The following GPR89B variants were observed in gnomAD, a reference collection of about 807,000 sequenced individuals.
GPR89B encodes the protein G protein-coupled receptor 89B.
In GPR89B, 25 loss-of-function variants were observed where a neutral mutation model predicts 52.4. That is an observed-to-expected ratio of 0.48 (90% CI 0.35 to 0.67). The LOEUF is 0.67. GPR89B is among the 30% of genes least tolerant of loss of function. The pLI, the probability that GPR89B is intolerant of heterozygous loss-of-function variation, is 0.01. For synonymous variants in GPR89B, 52 were observed against 151.2 expected (o/e 0.34, Z 4.81); for missense variants, 146 against 450.2 (o/e 0.32, Z 6.11).
chr1:147,962,830 G>A (rs1199351466), intron 7 of GPR89B, among the ~76,000 whole-genome samples: 1 of 151,018 alleles, frequency 6.6e-6, no homozygotes, highest in Non-Finnish European at 1.5e-5. Flanking sequence ...CCAGGAGGTG[G>A]AGGTTGCAGT....
intron 7 of GPR89B, among the ~76,000 whole-genome samples, chr1:147,956,978 A>G (rs1341422580): frequency 6.6e-6 from 1 of 151,856 alleles, no homozygotes; most frequent in Non-Finnish European, 1.5e-5. Flanking sequence ...ACCTCAAGTG[A>G]TCTGCCCACC....
rs587756372 is a variant in GPR89B, at chr1:147,951,057, G to A, written c.416-2288G>A. ...GCCAATGAAACAAGGATTGGAAAATGTTGAATTTTGCAACCAGGGGAAAAC... is the reference window on the plus strand; with the variant it reads ...GCCAATGAAACAAGGATTGGAAAATATTGAATTTTGCAACCAGGGGAAAAC... On this transcript the variant is annotated intron_variant, in intron 5 of 13. Transcript: ENST00000314163. Among the ~76,000 whole-genome samples, 3 of 152,118 alleles carry A rather than the reference G, an allele frequency of 2.0e-5. No homozygotes were observed. The East Asian group carries it at 5.8e-4, about 29-fold the overall frequency.
intron 10 of GPR89B, among the ~76,000 whole-genome samples, chr1:147,971,663 G>T (rs1360417089): frequency 6.6e-6 from 1 of 150,538 alleles, no homozygotes; most frequent in African/African-American, 2.5e-5. Context: ...TGTATTTTTA[G>T]TAGAGACAGG....
chr1:147,932,598 G>A (rs1357753471), intron 1 of GPR89B, among the ~76,000 whole-genome samples: 2 of 152,062 alleles, frequency 1.3e-5, no homozygotes, highest in Admixed American at 6.6e-5. Flanking sequence ...ACTCTTAGCA[G>A]ATAACCATGC....
At chr1:147,962,622 C>T (rs1382686649) in intron 7 of GPR89B, among the ~76,000 whole-genome samples, 4 of 151,818 alleles carry the variant, frequency 2.6e-5, no homozygotes, top group Admixed American at 1.3e-4. Context: ...ACACGCCAGG[C>T]GCGGTGGCTC....
intron 3 of GPR89B, among the ~76,000 whole-genome samples, chr1:147,940,534 C>CT (rs1654474165): frequency 6.6e-6 from 1 of 152,122 alleles, no homozygotes; most frequent in Non-Finnish European, 1.5e-5. Context: ...CAACCTGCAT[C>CT]TTTCACTGCT....
chr1:148,004,048 G>A, the GPR89B span: 1,260 of 420,852 alleles, frequency 3.0e-3, 3 homozygotes, highest in Non-Finnish European at 4.5e-3. Flanking sequence ...GAATAAGAAA[G>A]TTTCTGTATA....
At chr1:148,020,880 G>A in the GPR89B span, among the ~76,000 whole-genome samples, 1 of 151,504 alleles carries the variant, frequency 6.6e-6, no homozygotes, top group East Asian at 2.0e-4. Context: ...TAGAGACGGG[G>A]TTTCACCATG....
chr1:148,020,701 G>T, the GPR89B span, among the ~76,000 whole-genome samples: 109 of 152,032 alleles, frequency 7.2e-4, 2 homozygotes, highest in African/African-American at 2.5e-3. Flanking sequence ...TTGTTTGTTC[G>T]TTTGAGACAG....
the GPR89B span, among the ~76,000 whole-genome samples, chr1:148,021,268 T>C: frequency 6.6e-6 from 1 of 151,206 alleles, no homozygotes; most frequent in Admixed American, 6.6e-5. Context: ...TTTGGGAGGC[T>C]GAGGCGGGCG....
intron 7 of GPR89B, among the ~76,000 whole-genome samples, chr1:147,965,548 C>A (rs1656966592): frequency 6.6e-6 from 1 of 152,044 alleles, no homozygotes; most frequent in Admixed American, 6.6e-5. Context: ...CCTGTTGATA[C>A]CTTTGTGGTG....
chr1:147,987,381 A>G (rs1470952387), intron 11 of GPR89B, among the ~76,000 whole-genome samples: 1 of 150,320 alleles, frequency 6.7e-6, no homozygotes, highest in Non-Finnish European at 1.5e-5. Context: ...TTAGCTGGAC[A>G]TGGTGGCATG....
intron 11 of GPR89B, among the ~76,000 whole-genome samples, chr1:147,987,793 A>G (rs1435344239): frequency 9.3e-5 from 14 of 151,246 alleles, no homozygotes; most frequent in Non-Finnish European, 4.4e-5. Flanking sequence ...CTCACTATGA[A>G]GCAATACAGG....
chr1:147,952,725 T>C (rs1478921002), intron 5 of GPR89B, among the ~76,000 whole-genome samples: 1 of 151,934 alleles, frequency 6.6e-6, no homozygotes, highest in East Asian at 1.9e-4. Context: ...TTATTTTAAC[T>C]GCTAAGTTGA....
rs587733549 is a variant in GPR89B, at chr1:147,952,455, G to C, written c.416-890G>C. On this transcript the variant is annotated intron_variant, in intron 5 of 13. Transcript: ENST00000314163. ...TGCACTGACCTCTAAAACGAGTGTA[G>C]TGGAAATAGAAAGACTAGGAATGGA... Among the ~76,000 whole-genome samples, 611 of 151,902 alleles carry C rather than the reference G, an allele frequency of 4.0e-3. 7 individuals are homozygous for C. Among genetic ancestry groups the C allele is most frequent in the African/African-American group, 0.014 (574 of 41,280 alleles).
At chr1:148,000,556 C>CT in the GPR89B span, among the ~76,000 whole-genome samples, 558 of 151,326 alleles carry the variant, frequency 3.7e-3, 6 homozygotes, top group African/African-American at 0.013. Flanking sequence ...CTTAGTCTCT[C>CT]TAAGCTTCGG....
chr1:147,970,491 A>ATTCTCTC (rs1219320826), intron 10 of GPR89B, among the ~76,000 whole-genome samples: 2 of 105,740 alleles, frequency 1.9e-5, no homozygotes, highest in African/African-American at 6.9e-5. Flanking sequence ...GTGAGACTCC[A>ATTCTCTC]TCTCTCTCTC....
At chr1:147,996,007 T>C (rs2149100055), downstream of GPR89B, 1 of 692,398 alleles carries the variant, frequency 1.4e-6, no homozygotes, top group East Asian at 2.5e-5. Context: ...TTATTTCTCC[T>C]TGAGGTATAG....
At chr1:147,932,996 TGA>T (rs1553247289) in intron 1 of GPR89B, among the ~76,000 whole-genome samples, 2 of 152,194 alleles carry the variant, frequency 1.3e-5, no homozygotes, top group Non-Finnish European at 2.9e-5. Context: ...ACCACTGTAC[TGA>T]GTTTTTAATT....
Sources: allele counts gnomAD v4.1 joint callset (sites outside exome capture counted in the v4.1 genomes callset), GRCh38; gene constraint gnomAD v4.1.1; transcripts MANE v1.5; gene names NCBI Gene and HGNC (gene_info 2026-07-23, HGNC 2026-07-21).